The following PRSS3 variants were observed in gnomAD, a reference collection of about 807,000 sequenced individuals.
The protein encoded by PRSS3 is trypsin-3.
Under a neutral mutation model 20.8 loss-of-function variants are expected in PRSS3, and 14 were observed. That is an observed-to-expected ratio of 0.67 (90% CI 0.44 to 1.05). The LOEUF (loss-of-function observed/expected upper bound fraction) is 1.05, where lower values mean the gene tolerates loss of function less well. Ranked by LOEUF, PRSS3 falls within the 50% of genes least tolerant of loss-of-function variation. The pLI is 0.00. For missense variants in PRSS3, 237 were observed against 306.4 expected (o/e 0.77, Z 1.69); for synonymous variants, 91 against 117.6 (o/e 0.77, Z 1.46).
At chr9:33,792,883 A>C (rs1824697918), upstream of PRSS3, among the ~76,000 whole-genome samples, 1 of 152,254 alleles carries the variant, frequency 6.6e-6, no homozygotes, top group Non-Finnish European at 1.5e-5. Context: ...ACAAGCCAGA[A>C]AGATGTCTTA....
rs577178550 is a variant in PRSS3, at chr9:33,768,800, G to A, written c.-53+18073G>A. 2.0e-4 allele frequency among the ~76,000 whole-genome samples: 31 copies of A among 151,802 alleles called. No individual in the cohort carries two copies. In the South Asian group the frequency reaches 6.0e-3, roughly 30 times the overall value. Reference sequence around the variant, plus strand: ...GAGCCCGGGGGGCAGAGGTTGCAGTGAGCCAAGATCATGCCACTGCACTCC... The same window carrying A: ...GAGCCCGGGGGGCAGAGGTTGCAGTAAGCCAAGATCATGCCACTGCACTCC... On this transcript the variant is annotated intron_variant, in intron 1 of 5. Transcript: ENST00000342836.
intron 1 of PRSS3, among the ~76,000 whole-genome samples, chr9:33,774,859 G>A (rs1180960742): frequency 1.3e-5 from 2 of 152,018 alleles, no homozygotes; most frequent in East Asian, 1.9e-4. Flanking sequence ...GGTGGCGCAC[G>A]CCTGTAATCC....
chr9:33,788,520 C>T (rs572366712), intron 1 of PRSS3, among the ~76,000 whole-genome samples: 7 of 152,240 alleles, frequency 4.6e-5, no homozygotes, highest in East Asian at 1.9e-4. Context: ...CTGAGTCTCA[C>T]GGTACCCTAC....
At chr9:33,757,476 T>A (rs1002272679) in intron 1 of PRSS3, among the ~76,000 whole-genome samples, 1 of 11,490 alleles carries the variant, frequency 8.7e-5, no homozygotes, top group African/African-American at 2.9e-4. Flanking sequence ...AGATTCATCT[T>A]TTTTTTTTTT....
At chr9:33,760,694 C>T (rs1015112774) in intron 1 of PRSS3, among the ~76,000 whole-genome samples, 3 of 143,752 alleles carry the variant, frequency 2.1e-5, no homozygotes, top group African/African-American at 7.8e-5. Context: ...TGCAGTGAGC[C>T]GAGATCATGC....
At chr9:33,798,757 G>A (rs1274742553) in intron 4 of PRSS3, 135 bp downstream of exon 4, 46 of 1,431,324 alleles carry the variant, frequency 3.2e-5, no homozygotes, top group Admixed American at 7.8e-5. Flanking sequence ...GGAAGGTGGC[G>A]GGGCTGAGGC....
At chr9:33,792,044 AC>A (rs1443918764), upstream of PRSS3, among the ~76,000 whole-genome samples, 1 of 152,134 alleles carries the variant, frequency 6.6e-6, no homozygotes, top group East Asian at 1.9e-4. Context: ...TACAAGTCAG[AC>A]TTTTCTGGAT....
At chr9:33,767,402 T>A (rs1823483724) in intron 1 of PRSS3, among the ~76,000 whole-genome samples, 1 of 152,246 alleles carries the variant, frequency 6.6e-6, no homozygotes, top group African/African-American at 2.4e-5. Flanking sequence ...CCTCCAAGTG[T>A]ATGTGATGAA....
chr9:33,795,526 G>A, upstream of PRSS3: 6 of 1,570,014 alleles, frequency 3.8e-6, no homozygotes, highest in Non-Finnish European at 5.2e-6. Flanking sequence ...ATTCTTGGAA[G>A]GGTATAAGGA....
In PRSS3 at chr9:33,779,319, C is replaced by T. The variant is rs554284706; in HGVS notation, c.-52-15427C>T. Among the ~76,000 whole-genome samples, 73 of 152,274 alleles carry T rather than the reference C, an allele frequency of 4.8e-4. 1 individual carries two copies. The South Asian group carries it at 6.0e-3, about 13-fold the overall frequency. ...ATTGAGATTCAGAAGAAATTTGAAA[C>T]TCAATCCAAGGAATCCAAGTAACCC... On this transcript the variant is annotated intron_variant, in intron 1 of 5. Transcript: ENST00000342836.
chr9:33,780,236 T>C (rs551847303), intron 1 of PRSS3, among the ~76,000 whole-genome samples: 3 of 152,322 alleles, frequency 2.0e-5, no homozygotes, highest in Admixed American at 1.3e-4. Flanking sequence ...AGAAAACTTA[T>C]ACGCCAGAAG....
At chr9:33,767,867 G>A (rs550471245) in intron 1 of PRSS3, among the ~76,000 whole-genome samples, 1 of 150,974 alleles carries the variant, frequency 6.6e-6, no homozygotes, top group Admixed American at 6.6e-5. Context: ...ACAGAAAGAA[G>A]ACCATCTGAA....
intron 1 of PRSS3, among the ~76,000 whole-genome samples, chr9:33,774,308 C>A (rs1249971792): frequency 6.6e-6 from 1 of 152,164 alleles, no homozygotes; most frequent in Non-Finnish European, 1.5e-5. Context: ...TATAGCCCAT[C>A]CCCATCAAAT....
At chr9:33,754,178 T>G (rs1822834852) in intron 1 of PRSS3, among the ~76,000 whole-genome samples, 1 of 152,082 alleles carries the variant, frequency 6.6e-6, no homozygotes. Flanking sequence ...GTTCAAGTGA[T>G]TCTCTTGCCT....
intron 1 of PRSS3, among the ~76,000 whole-genome samples, chr9:33,760,439 C>CA (rs962166190): frequency 8.5e-5 from 13 of 152,052 alleles, no homozygotes; most frequent in Non-Finnish European, 1.9e-4. Flanking sequence ...GTCCCTCTTC[C>CA]AAACTCCCTA....
At chr9:33,766,263 C>CAAAAAA (rs67834191) in intron 1 of PRSS3, among the ~76,000 whole-genome samples, 10 of 72,798 alleles carry the variant, frequency 1.4e-4, no homozygotes, top group Non-Finnish European at 1.9e-4. Flanking sequence ...GATTCCGTCT[C>CAAAAAA]AAAAAAAAAA....
upstream of PRSS3, among the ~76,000 whole-genome samples, chr9:33,792,209 G>A (rs1464363158): frequency 2.6e-5 from 4 of 152,160 alleles, no homozygotes; most frequent in African/African-American, 4.8e-5. Context: ...GAGGAGCTGG[G>A]AGTTTGGCGG....
In PRSS3 at chr9:33,756,498, T is replaced by C. The variant is rs189358248; in HGVS notation, c.-53+5771T>C. ...GTGGTTTTCTTCTGTTATATAATTT[T>C]CTCGTTCTTTCTTTCTGAAACTTAA... On this transcript the variant is annotated intron_variant, in intron 1 of 5. Transcript: ENST00000342836. Among the ~76,000 whole-genome samples the C allele has an allele frequency of 1.8e-3, 270 of 152,322 alleles. 2 individuals carry two copies. Among genetic ancestry groups the C allele is most frequent in the African/African-American group, 6.1e-3 (252 of 41,584 alleles).
At chr9:33,794,081 T>C (rs1374586632), upstream of PRSS3, among the ~76,000 whole-genome samples, 1 of 152,236 alleles carries the variant, frequency 6.6e-6, no homozygotes, top group African/African-American at 2.4e-5. Flanking sequence ...GTACTCTGTG[T>C]GTCCTCTCAA....
Sources: allele counts gnomAD v4.1 joint callset (sites outside exome capture counted in the v4.1 genomes callset), GRCh38; gene constraint gnomAD v4.1.1; transcripts MANE v1.5; gene names NCBI Gene and HGNC (gene_info 2026-07-23, HGNC 2026-07-21).